CHRNE: variants seen among roughly 807,000 people sequenced by gnomAD.
The protein encoded by CHRNE is acetylcholine receptor subunit epsilon.
In CHRNE, 58 loss-of-function variants were observed where a neutral mutation model predicts 56.5. The observed-to-expected ratio is 1.03, with a 90% CI of 0.83 to 1.28. CHRNE has a LOEUF of 1.28. Ranked by LOEUF, CHRNE falls within the 50% of genes most tolerant of loss-of-function variation. The probability of loss-of-function intolerance (pLI) is 0.00; values close to 1 mark genes in which losing one functional copy is unlikely to be tolerated. For missense variants in CHRNE, 793 were observed against 688.9 expected (o/e 1.15, Z -1.69); for synonymous variants, 385 against 297.9 (o/e 1.29, Z -3.01).
Position 4,900,878 on chromosome 17 carries a change from T to G in CHRNE, c.832A>C (p.Asn278His), listed in dbSNP as rs1284578156. The change falls in exon 8 of 12, where the codon AAC (asparagine) becomes CAC (histidine). Residue 278 changes from asparagine to histidine, a missense_variant. Transcript: ENST00000649488. ...AAGACGGTCTGGGCGAGCAGGACGTTGATGGAGACCGTGCATTTCTGGCCG... is the reference window on the plus strand; with the variant it reads ...AAGACGGTCTGGGCGAGCAGGACGTGGATGGAGACCGTGCATTTCTGGCCG... ...AGGQKCTVSI[N>H]VLLAQTVFLF... The G allele has an allele frequency of 3.7e-6, 6 of 1,614,008 alleles. No homozygotes were observed. The highest frequency in any genetic ancestry group is 5.1e-6 in the Non-Finnish European group (6 of 1,179,970).
upstream of CHRNE, among the ~76,000 whole-genome samples, chr17:4,906,586 G>A (rs562100155): frequency 5.3e-5 from 8 of 152,020 alleles, no homozygotes; most frequent in East Asian, 1.9e-4. Context: ...ATAAGAAAAC[G>A]TGCTCAGCAT....
At chr17:4,907,183 TA>T (rs78013725), upstream of CHRNE, among the ~76,000 whole-genome samples, 14,543 of 151,810 alleles carry the variant, frequency 0.096, 702 homozygotes, top group African/African-American at 0.11. Context: ...AAAAAAAACT[TA>T]AGAGTGTAAT....
Position 4,898,080 on chromosome 17 carries a change from G to C in CHRNE, c.*656C>G, listed in dbSNP as rs1175757245. ...CCCACCATGCAGGCCGCATGTCCTTGCTTTCTGTCAGTACTGTAGACTAGG... is the reference window on the plus strand; with the variant it reads ...CCCACCATGCAGGCCGCATGTCCTTCCTTTCTGTCAGTACTGTAGACTAGG... On this transcript the variant is annotated 3_prime_UTR_variant, in exon 12 of 12. Transcript: ENST00000649488. The C allele has an allele frequency of 6.7e-6, 1 of 149,612 alleles. No individual in the cohort carries two copies. 9.3% of individuals were successfully genotyped at this position (149,612 alleles called of 1,614,324 possible). A position where few individuals can be genotyped will look rare whatever the true frequency, so the allele number is the denominator to read the frequency against.
In CHRNE at chr17:4,898,732, C is replaced by T. The variant is rs765189193; in HGVS notation, c.*4G>A. Reference sequence around the variant, plus strand: ...GATGGGTGGGAAATTGAAGTCGGTGCGAGCTAAGGCTGGATACACGGCGCG... The same window carrying T: ...GATGGGTGGGAAATTGAAGTCGGTGTGAGCTAAGGCTGGATACACGGCGCG... On this transcript the variant is annotated 3_prime_UTR_variant, in exon 12 of 12. Coordinates refer to ENST00000649488, the MANE Select transcript of CHRNE (RefSeq NM_000080.4). The T allele has an allele frequency of 7.5e-6, 12 of 1,608,548 alleles. No individual in the cohort carries two copies. Among genetic ancestry groups the T allele is most frequent in the African/African-American group, 1.3e-5 (1 of 74,884 alleles).
chr17:4,906,566 C>A (rs1312856996), upstream of CHRNE, among the ~76,000 whole-genome samples: 1 of 151,950 alleles, frequency 6.6e-6, no homozygotes, highest in Non-Finnish European at 1.5e-5. Context: ...CACACAAATG[C>A]CAAACAGGTA....
Position 4,898,909 on chromosome 17 carries a change from C to G in CHRNE, c.1327-18G>C, listed in dbSNP as rs1028107315. On this transcript the variant is annotated intron_variant, in intron 11 of 11. Transcript: ENST00000649488. Reference sequence around the variant, plus strand: ...GACACTTCCTGGGGAAGGGTCGGCACAGTCAGTAAAGAGGCAGCTGCAGGA... The same window carrying G: ...GACACTTCCTGGGGAAGGGTCGGCAGAGTCAGTAAAGAGGCAGCTGCAGGA... 7 of 1,571,658 alleles carry G rather than the reference C, an allele frequency of 4.5e-6. No homozygotes were observed. The African/African-American group carries it at 6.7e-5, about 15-fold the overall frequency.
chr17:4,904,359 G>A (rs148974580), upstream of CHRNE, among the ~76,000 whole-genome samples: 136 of 152,040 alleles, frequency 8.9e-4, no homozygotes, highest in African/African-American at 2.8e-3. Context: ...CACCACGCCC[G>A]GCCTCAGTGT....
chr17:4,906,110 C>T (rs548532809), upstream of CHRNE, among the ~76,000 whole-genome samples: 10 of 152,300 alleles, frequency 6.6e-5, no homozygotes, highest in Admixed American at 6.5e-4. Flanking sequence ...TGGTCTTAGC[C>T]CCAGACCAAC....
chr17:4,901,240 G>A, intron 6 of CHRNE, 50 bp from the exon 7 acceptor site: 2 of 1,581,288 alleles, frequency 1.3e-6, no homozygotes, highest in Non-Finnish European at 1.7e-6. Context: ...GGCGCCCGCC[G>A]AGCTGACAGC....
At chr17:4,905,836 G>C (rs1023969119), upstream of CHRNE, among the ~76,000 whole-genome samples, 1 of 152,152 alleles carries the variant, frequency 6.6e-6, no homozygotes, top group Non-Finnish European at 1.5e-5. Flanking sequence ...ACTCCAGCCC[G>C]GGTGACAGAG....
chr17:4,907,601 C>G (rs929155024), upstream of CHRNE, among the ~76,000 whole-genome samples: 1 of 150,780 alleles, frequency 6.6e-6, no homozygotes, highest in Admixed American at 6.6e-5. Context: ...CACTCTCAGC[C>G]CAGAGTCCAG....
Position 4,898,665 on chromosome 17 carries a change from G to C in CHRNE, c.*71C>G. On this transcript the variant is annotated 3_prime_UTR_variant, in exon 12 of 12. Transcript: ENST00000649488. ...CAGGGGGAAGGGATCATAATGCCGTGGTGGCGGCAGCCTACTTTTTCAAAA... is the reference window on the plus strand; with the variant it reads ...CAGGGGGAAGGGATCATAATGCCGTCGTGGCGGCAGCCTACTTTTTCAAAA... 1 of 1,540,796 alleles carries C rather than the reference G, an allele frequency of 6.5e-7. No homozygotes were observed. The highest frequency in any genetic ancestry group is 8.8e-7 in the Non-Finnish European group (1 of 1,137,524).
rs551856227 is a variant in CHRNE at position 4,899,216 on chromosome 17, G to A, written c.1201C>T (p.Arg401Trp). 1.6e-5 allele frequency: 26 copies of A among 1,605,876 alleles called. No homozygotes were observed. Among genetic ancestry groups the A allele is most frequent in the East Asian group, 1.6e-4 (7 of 44,538 alleles). ...SELVFEGQRHRQGTWTAAFCQ... is the reference protein window; with the variant it reads ...SELVFEGQRHWQGTWTAAFCQ... ...TGCTCACCCGTCCAGGTCCCCTGCC[G>A]GTGCCTCTGCCCCTCAAACACGAGC... The change falls in exon 10 of 12, where the codon CGG becomes TGG. Residue 401 changes from arginine to tryptophan, a missense_variant. Coordinates refer to ENST00000649488, the MANE Select transcript of CHRNE (RefSeq NM_000080.4).
chr17:4,902,291 G>C lies in CHRNE; in HGVS notation c.270C>G (p.Asp90Glu), dbSNP rs759482700. Residue 90 changes from aspartate to glutamate, a missense_variant, in exon 4 of 12, where the codon GAC becomes GAG. By Grantham distance (45) the Asp-to-Glu change is conservative (BLOSUM62 2). Coordinates refer to ENST00000649488, the MANE Select transcript of CHRNE (RefSeq NM_000080.4). This position sits in a 1 kb window ranked among gnomAD's most constrained non-coding sequence, Gnocchi z 4.0. ...GCAGGGTTTCTATACCCCCAAAGTC[G>C]TCCTTGCTGTAGTTGAGTCGGTAAT... ...WQDYRLNYSK[D>E]DFGGIETLRV... 1 of 1,614,152 alleles carries C rather than the reference G, an allele frequency of 6.2e-7. No individual in the cohort carries two copies. Among genetic ancestry groups the C allele is most frequent in the Non-Finnish European group, 8.5e-7 (1 of 1,180,036 alleles).
chr17:4,903,060 C>T lies in CHRNE; in HGVS notation c.4G>A (p.Ala2Thr), dbSNP rs563301083. 1 of 1,614,046 alleles carries T rather than the reference C, an allele frequency of 6.2e-7. No homozygotes were observed. The highest frequency in any genetic ancestry group is 1.1e-5 in the South Asian group (1 of 91,066). M[A>T]RAPLGVLLLL... is the part of the protein sequence containing the mutation. ...AGCAGGACCCCAAGCGGAGCCCTTG[C>T]CATCCTGCTGCGTGGTTCTCAGGGT... Residue 2 changes from alanine to threonine, a missense_variant, in exon 1 of 12, where the codon GCA (alanine) becomes ACA (threonine). Ala to Thr is a moderately conservative substitution (Grantham distance 58, BLOSUM62 0). Transcript: ENST00000649488.
At chr17:4,898,958 T>G in intron 11 of CHRNE, 43 bp downstream of exon 11, 1 of 1,553,844 alleles carries the variant, frequency 6.4e-7, no homozygotes, top group Non-Finnish European at 8.7e-7. Flanking sequence ...GAGACAGTGG[T>G]GGGCCTCTGC....
chr17:4,902,156 C>G lies in CHRNE; in HGVS notation c.344+61G>C. On this transcript the variant is annotated intron_variant, in intron 4 of 11. Coordinates refer to ENST00000649488, the MANE Select transcript of CHRNE (RefSeq NM_000080.4). This position sits in a 1 kb window ranked among gnomAD's most constrained non-coding sequence, Gnocchi z 4.0. ...CTCTCAGAGTACCCCCTTCCCCAAC[C>G]AAGTCCAGCCCGCACCCCAGGCCGG... is the stretch of plus-strand genomic sequence containing the variant. 1 of 1,613,926 alleles carries G rather than the reference C, an allele frequency of 6.2e-7. No homozygotes were observed. Among genetic ancestry groups the G allele is most frequent in the South Asian group, 1.1e-5 (1 of 91,070 alleles).
In CHRNE at chr17:4,901,137, CGTGGTGGCG is replaced by C; in HGVS notation, c.646_654del (p.Arg216_His218del). 1 of 1,612,076 alleles carries C rather than the reference CGTGGTGGCG, an allele frequency of 6.2e-7. No individual in the cohort carries two copies. The highest frequency in any genetic ancestry group is 8.5e-7 in the Non-Finnish European group (1 of 1,179,914). On this transcript the variant is annotated inframe_deletion, in exon 7 of 12. Transcript: ENST00000649488. Reference sequence around the variant, plus strand: ...TCCCCTGGGCCGTCGGTGGCGCCACCGTGGTGGCGGCGGATCACCCCCGGGCAGAAGTCG... The same window carrying C: ...TCCCCTGGGCCGTCGGTGGCGCCACCGCGGATCACCCCCGGGCAGAAGTCG...
chr17:4,908,310 C>T (rs1166882184), intron 1 of CHRNE, among the ~76,000 whole-genome samples: 2 of 152,294 alleles, frequency 1.3e-5, no homozygotes, highest in South Asian at 4.1e-4. Flanking sequence ...ACACATAGAC[C>T]GCATTCACCT....
Sources: gnomAD v4.1 joint callset for allele counts (sites outside exome capture counted in the v4.1 genomes callset) on GRCh38, gnomAD v4.1.1 for gene constraint, Gnocchi (gnomAD v3.1) non-coding constraint, MANE v1.5 for transcripts, NCBI Gene and HGNC (gene_info 2026-07-23, HGNC 2026-07-21) for gene names.